The following LIN7A variants were observed in gnomAD, a reference collection of about 807,000 sequenced individuals.
The protein encoded by LIN7A is lin-7 cell polarity scaffold A.
Under a neutral mutation model 29.8 loss-of-function variants are expected in LIN7A, and 25 were observed. The observed-to-expected ratio is 0.84, with a 90% CI of 0.61 to 1.17. The LOEUF is 1.17. LIN7A is among the 50% of genes most tolerant of loss of function. The pLI is 0.00. For synonymous variants in LIN7A, 118 were observed against 107.5 expected (o/e 1.10, Z -0.60); for missense variants, 239 against 287.0 (o/e 0.83, Z 1.21).
intron 1 of LIN7A, among the ~76,000 whole-genome samples, chr12:80,910,081 T>C (rs1415763796): frequency 6.6e-6 from 1 of 152,184 alleles, no homozygotes; most frequent in African/African-American, 2.4e-5. Flanking sequence ...GTTTTGTACC[T>C]TCAGTAAACA....
At chr12:80,845,066 A>G (rs1171592100) in intron 4 of LIN7A, among the ~76,000 whole-genome samples, 2 of 151,984 alleles carry the variant, frequency 1.3e-5, no homozygotes, top group East Asian at 3.9e-4. Flanking sequence ...GTGAAACCTC[A>G]TCTCTACTAA....
At chr12:80,881,736 G>A (rs144692552) in intron 2 of LIN7A, among the ~76,000 whole-genome samples, 21 of 151,902 alleles carry the variant, frequency 1.4e-4, no homozygotes, top group Admixed American at 3.3e-4. Flanking sequence ...CTTTTATAAC[G>A]TGATCTGAAA....
Position 80,811,537 on chromosome 12 carries a change from C to T in LIN7A, c.630G>A (p.Gln210=). The T allele has an allele frequency of 6.2e-7, 1 of 1,613,034 alleles. No homozygotes were observed. The highest frequency in any genetic ancestry group is 1.3e-5 in the African/African-American group (1 of 75,004). Reference sequence around the variant, plus strand: ...GCTGCTGAATTAGCAATTGCTGCTGCTGCCGACGCCTGGCTGTTCGTAGCT... The same window carrying T: ...GCTGCTGAATTAGCAATTGCTGCTGTTGCCGACGCCTGGCTGTTCGTAGCT... ...FEKLRTARRR[Q]QQQLLIQQQQ... The change falls in exon 5 of 6, where the codon CAG becomes CAA. Residue 210 remains glutamine, a synonymous_variant. Coordinates refer to ENST00000552864, the MANE Select transcript of LIN7A (RefSeq NM_004664.4).
intron 2 of LIN7A, among the ~76,000 whole-genome samples, chr12:80,856,279 G>A (rs77874788): frequency 3.7e-4 from 57 of 152,164 alleles, no homozygotes; most frequent in African/African-American, 1.3e-3. Context: ...CATGTCACCC[G>A]TCGGACAAGA....
At chr12:80,834,020 CT>C (rs1011649158) in intron 4 of LIN7A, among the ~76,000 whole-genome samples, 2 of 152,158 alleles carry the variant, frequency 1.3e-5, no homozygotes, top group African/African-American at 4.8e-5. Context: ...CTCCTACTTC[CT>C]GGATAGCCTT....
chr12:80,884,929 G>A (rs973192495), intron 2 of LIN7A, among the ~76,000 whole-genome samples: 1 of 152,088 alleles, frequency 6.6e-6, no homozygotes, highest in Non-Finnish European at 1.5e-5. Context: ...AGGTCAATGA[G>A]CACATCATCC....
At chr12:80,898,916 T>C (rs1876050843) in intron 1 of LIN7A, among the ~76,000 whole-genome samples, 1 of 152,176 alleles carries the variant, frequency 6.6e-6, no homozygotes, top group South Asian at 2.1e-4. Context: ...GGTATAGAAT[T>C]ATATAGTCTG....
chr12:80,936,535 A>C (rs1878227563), intron 1 of LIN7A: 1 of 152,180 alleles, frequency 6.6e-6, no homozygotes, highest in Admixed American at 6.5e-5. Flanking sequence ...ACCATTTCCA[A>C]ATGGCCGCCC....
chr12:80,883,678 C>A (rs1000023867), intron 2 of LIN7A, among the ~76,000 whole-genome samples: 1 of 152,154 alleles, frequency 6.6e-6, no homozygotes, highest in Non-Finnish European at 1.5e-5. Context: ...GCTGCACATA[C>A]ATGATATTTA....
chr12:80,817,177 G>C (rs1384791019), intron 4 of LIN7A, among the ~76,000 whole-genome samples: 1 of 152,140 alleles, frequency 6.6e-6, no homozygotes, highest in East Asian at 1.9e-4. Context: ...TCGTATTTCT[G>C]GTATGCTCAA....
At chr12:80,899,603 C>G (rs1285582111) in intron 1 of LIN7A, among the ~76,000 whole-genome samples, 1 of 151,784 alleles carries the variant, frequency 6.6e-6, no homozygotes, top group East Asian at 1.9e-4. Context: ...GGTCATGAAT[C>G]CATCTGATCT....
intron 2 of LIN7A, among the ~76,000 whole-genome samples, chr12:80,860,207 T>C (rs1175484339): frequency 1.3e-5 from 2 of 152,204 alleles, no homozygotes; most frequent in East Asian, 3.8e-4. Context: ...ATATTACCCC[T>C]TTGGTAGAGT....
At position 80,793,984 on chromosome 12, in the gene LIN7A, C is replaced by T. The variant is rs1870328078; in HGVS notation, c.*3743G>A. On this transcript the variant is annotated 3_prime_UTR_variant, in exon 6 of 6. Coordinates refer to ENST00000552864, the MANE Select transcript of LIN7A (RefSeq NM_004664.4). ...GTATCCCCAAACATTGTTCCTTATC[C>T]ACTGTTCAAATGTCCTCAAATCTTT... 1 of 152,104 alleles carries T rather than the reference C, an allele frequency of 6.6e-6. No homozygotes were observed. The highest frequency in any genetic ancestry group is 1.5e-5 in the Non-Finnish European group (1 of 68,014). 9.4% of individuals were successfully genotyped at this position (152,104 alleles called of 1,614,324 possible).
chr12:80,895,090 T>C (rs777686390), intron 1 of LIN7A, among the ~76,000 whole-genome samples: 9 of 152,152 alleles, frequency 5.9e-5, no homozygotes, highest in Non-Finnish European at 1.3e-4. Context: ...ACATGGACCA[T>C]TGTGAGCTTG....
At chr12:80,823,263 A>G (rs1016561553) in intron 4 of LIN7A, among the ~76,000 whole-genome samples, 1 of 152,172 alleles carries the variant, frequency 6.6e-6, no homozygotes, top group Non-Finnish European at 1.5e-5. Flanking sequence ...GTTGTGGGTG[A>G]TGAGAAGGAG....
At chr12:80,812,799 C>T (rs185396041) in intron 4 of LIN7A, among the ~76,000 whole-genome samples, 1 of 152,262 alleles carries the variant, frequency 6.6e-6, no homozygotes, top group Non-Finnish European at 1.5e-5. Context: ...GATCCACCTC[C>T]CTCAGCCTCT....
intron 2 of LIN7A, among the ~76,000 whole-genome samples, chr12:80,869,833 C>G (rs1376979441): frequency 1.3e-5 from 2 of 151,494 alleles, no homozygotes; most frequent in African/African-American, 4.8e-5. Context: ...TCTGGCTCAA[C>G]AACTGGGTAA....
intron 4 of LIN7A, among the ~76,000 whole-genome samples, chr12:80,839,133 A>C (rs962236731): frequency 6.6e-6 from 1 of 152,196 alleles, no homozygotes; most frequent in South Asian, 2.1e-4. Context: ...TCTCCACCAA[A>C]AATTTACTTA....
At chr12:80,799,027 T>C (rs981643849) in intron 5 of LIN7A, among the ~76,000 whole-genome samples, 4 of 152,160 alleles carry the variant, frequency 2.6e-5, no homozygotes, top group African/African-American at 9.7e-5. Flanking sequence ...CCACCGTGCC[T>C]GGCCTAGAGG....
Sources: allele counts gnomAD v4.1 joint callset (sites outside exome capture counted in the v4.1 genomes callset), GRCh38; gene constraint gnomAD v4.1.1; transcripts MANE v1.5; gene names NCBI Gene and HGNC (gene_info 2026-07-23, HGNC 2026-07-21).